Variants in ATRNL1 observed in about 807,000 individuals in gnomAD.
ATRNL1 encodes attractin-like protein 1.
A neutral mutation model predicts 182.7 loss-of-function variants in ATRNL1; 95 were observed. The observed-to-expected ratio is 0.52, with a 90% CI of 0.44 to 0.62. The LOEUF is 0.62. Among genes scored for constraint, ATRNL1 ranks in the 20% least tolerant of loss-of-function variants. The probability of loss-of-function intolerance (pLI) is 0.00; values close to 1 mark genes in which losing one functional copy is unlikely to be tolerated. For missense variants in ATRNL1, 1,471 were observed against 1,679.5 expected (o/e 0.88, Z 2.17); for synonymous variants, 576 against 568.3 (o/e 1.01, Z -0.19).
chr10:115,255,231 G>A (rs1431260356), intron 10 of ATRNL1, among the ~76,000 whole-genome samples: 2 of 152,160 alleles, frequency 1.3e-5, no homozygotes, highest in African/African-American at 4.8e-5. Flanking sequence ...TTGGCAGTAT[G>A]GCCATTTTCA....
At chr10:115,485,564 A>G (rs1263674648) in intron 24 of ATRNL1, among the ~76,000 whole-genome samples, 1 of 152,080 alleles carries the variant, frequency 6.6e-6, no homozygotes, top group Non-Finnish European at 1.5e-5. Context: ...CATTCTATAC[A>G]ATAAATCTGT....
intron 21 of ATRNL1, among the ~76,000 whole-genome samples, chr10:115,442,532 G>C (rs969195337): frequency 2.6e-5 from 4 of 152,026 alleles, no homozygotes; most frequent in African/African-American, 9.7e-5. Flanking sequence ...TGACAGGCCA[G>C]ATGGTCTCTG....
intron 15 of ATRNL1, among the ~76,000 whole-genome samples, chr10:115,291,000 C>A (rs1417754215): frequency 2.0e-5 from 3 of 152,212 alleles, no homozygotes; most frequent in Non-Finnish European, 4.4e-5. Flanking sequence ...GTTGAACATG[C>A]CTGGCCCCCA....
chr10:115,446,082 CT>C (rs1300328077), intron 21 of ATRNL1, among the ~76,000 whole-genome samples: 6 of 151,954 alleles, frequency 3.9e-5, no homozygotes, highest in African/African-American at 1.4e-4. Flanking sequence ...ATACAAGATA[CT>C]TCCTTTAAAT....
chr10:115,239,839 C>A (rs1850339953), intron 9 of ATRNL1, among the ~76,000 whole-genome samples: 1 of 152,162 alleles, frequency 6.6e-6, no homozygotes, highest in African/African-American at 2.4e-5. Flanking sequence ...AGCACCCAGA[C>A]CTCTCATGAT....
At chr10:115,385,572 A>ATTATATGTT (rs1254678865) in intron 19 of ATRNL1, among the ~76,000 whole-genome samples, 1 of 152,136 alleles carries the variant, frequency 6.6e-6, no homozygotes, top group Non-Finnish European at 1.5e-5. Context: ...AAGTAGATAA[A>ATTATATGTT]TTATATGTTT....
chr10:115,317,251 C>A (rs1163347619), intron 18 of ATRNL1, among the ~76,000 whole-genome samples: 1 of 151,966 alleles, frequency 6.6e-6, no homozygotes, highest in Non-Finnish European at 1.5e-5. Context: ...TTTCTGAGGT[C>A]TCTGTTCTGT....
chr10:115,435,969 A>G (rs1846385993), intron 21 of ATRNL1, among the ~76,000 whole-genome samples: 1 of 152,208 alleles, frequency 6.6e-6, no homozygotes, highest in African/African-American at 2.4e-5. Context: ...TTATTAATAC[A>G]TAAGTGAATA....
intron 22 of ATRNL1, among the ~76,000 whole-genome samples, chr10:115,465,952 T>C (rs782740763): frequency 1.3e-4 from 19 of 151,592 alleles, no homozygotes; most frequent in Non-Finnish European, 2.7e-4. Context: ...GAGAATAAGC[T>C]GTTCTTCCAT....
intron 28 of ATRNL1, among the ~76,000 whole-genome samples, chr10:115,887,159 G>A (rs1414481330): frequency 6.6e-6 from 1 of 152,174 alleles, no homozygotes; most frequent in Non-Finnish European, 1.5e-5. Context: ...TGATACGATT[G>A]CATATTCAAG....
rs782550366 is a variant in ATRNL1 at position 115,116,003 on chromosome 10, T to C, written c.294-4182T>C. Reference sequence around the variant, plus strand: ...ATGAGATATTGACAAGGCATATGGATATGTGGCAGGCATCTAGACAAGTGA... The same window carrying C: ...ATGAGATATTGACAAGGCATATGGACATGTGGCAGGCATCTAGACAAGTGA... On this transcript the variant is annotated intron_variant, in intron 1 of 28. Coordinates refer to ENST00000355044, the MANE Select transcript of ATRNL1 (RefSeq NM_207303.4). 3.4e-4 allele frequency among the ~76,000 whole-genome samples: 51 copies of C among 152,054 alleles called. 1 individual carries two copies. Among genetic ancestry groups the C allele is most frequent in the Admixed American group, 2.8e-3 (42 of 15,242 alleles).
At chr10:115,509,923 G>C (rs1374423228) in intron 24 of ATRNL1, among the ~76,000 whole-genome samples, 1 of 152,046 alleles carries the variant, frequency 6.6e-6, no homozygotes, top group East Asian at 1.9e-4. Context: ...ATGATTCATG[G>C]GAGTAGATCA....
intron 5 of ATRNL1, among the ~76,000 whole-genome samples, chr10:115,141,510 C>G (rs945807934): frequency 1.3e-5 from 2 of 152,040 alleles, no homozygotes; most frequent in Admixed American, 1.3e-4. Context: ...GTTGTAGAAA[C>G]TTGGTAGTTT....
At chr10:115,915,270 C>T (rs1030300035) in intron 28 of ATRNL1, among the ~76,000 whole-genome samples, 20 of 151,928 alleles carry the variant, frequency 1.3e-4, no homozygotes, top group African/African-American at 2.2e-4. Flanking sequence ...TGGTGGCGGG[C>T]GCCTGTAGTC....
chr10:115,275,234 G>A (rs1172137934), intron 13 of ATRNL1, among the ~76,000 whole-genome samples: 1 of 152,128 alleles, frequency 6.6e-6, no homozygotes, highest in African/African-American at 2.4e-5. Flanking sequence ...ATAGCCACAG[G>A]ATGGGTTTGG....
At chr10:115,522,724 C>A (rs1311793799) in intron 25 of ATRNL1, among the ~76,000 whole-genome samples, 1 of 152,150 alleles carries the variant, frequency 6.6e-6, no homozygotes, top group Non-Finnish European at 1.5e-5. Context: ...AAGTTCCTTT[C>A]AGCTTTGAGC....
intron 14 of ATRNL1, 55 bp downstream of exon 14, chr10:115,281,542 A>T: frequency 6.5e-7 from 1 of 1,530,592 alleles, no homozygotes; most frequent in South Asian, 1.2e-5. Flanking sequence ...AAATACTGAC[A>T]TAGAAAAGTA....
intron 19 of ATRNL1, among the ~76,000 whole-genome samples, chr10:115,370,165 G>A (rs1554947599): frequency 1.3e-5 from 2 of 152,226 alleles, no homozygotes; most frequent in African/African-American, 4.8e-5. Flanking sequence ...CCCCAGCCAT[G>A]TGGAACTGTA....
chr10:115,647,699 A>T (rs1468816413), intron 26 of ATRNL1, among the ~76,000 whole-genome samples: 1 of 152,152 alleles, frequency 6.6e-6, no homozygotes, highest in African/African-American at 2.4e-5. Context: ...TCTTCATATT[A>T]GCCCTTTGTC....
Sources: allele counts gnomAD v4.1 joint callset (sites outside exome capture counted in the v4.1 genomes callset), GRCh38; gene constraint gnomAD v4.1.1; transcripts MANE v1.5; gene names NCBI Gene and HGNC (gene_info 2026-07-23, HGNC 2026-07-21).